Variants in KIZ observed in about 807,000 individuals in gnomAD.
KIZ encodes centrosomal protein kizuna.
In KIZ, 68 loss-of-function variants were observed where a neutral mutation model predicts 79.6. That is an observed-to-expected ratio of 0.85 (90% CI 0.70 to 1.05). The LOEUF (loss-of-function observed/expected upper bound fraction) is 1.05. KIZ is among the 50% of genes least tolerant of loss of function. KIZ has a pLI of 0.00. For synonymous variants in KIZ, 280 were observed against 281.8 expected (o/e 0.99, Z 0.06); for missense variants, 797 against 800.4 (o/e 1.00, Z 0.05).
Position 21,161,875 on chromosome 20 carries a change from C to T in KIZ, c.410C>T (p.Ala137Val). 1.2e-6 allele frequency: 2 copies of T among 1,606,678 alleles called. No individual in the cohort carries two copies. Among genetic ancestry groups the T allele is most frequent in the Non-Finnish European group, 8.5e-7 (1 of 1,174,578 alleles). The change falls in exon 5 of 13, where the codon GCA (alanine) becomes GTA (valine). Residue 137 changes from alanine (A) to valine (V), a missense_variant. By Grantham distance (64) the Ala-to-Val change is moderately conservative. Transcript: ENST00000619189. ...ELTDEDREKV[A>V]VHEGINSGTA... ...ACATCTCTTTTGGTGTTGCAGGTTG[C>T]AGTGCACGAGGGGATTAACTCAGGA...
At chr20:21,219,784 C>T (rs760496794) in intron 9 of KIZ, among the ~76,000 whole-genome samples, 8 of 152,140 alleles carry the variant, frequency 5.3e-5, no homozygotes, top group South Asian at 2.1e-4. Context: ...CACCACAAAA[C>T]GGAGGTCTTC....
chr20:21,195,802 G>A (rs1428657894), intron 6 of KIZ: 4 of 152,208 alleles, frequency 2.6e-5, no homozygotes, highest in African/African-American at 9.7e-5. Context: ...GGTTCACTGG[G>A]ACACACACTC....
chr20:21,231,789 C>G (rs2123443893), intron 10 of KIZ, among the ~76,000 whole-genome samples: 1 of 152,238 alleles, frequency 6.6e-6, no homozygotes, highest in East Asian at 1.9e-4. Context: ...TCAAGAAGCC[C>G]ACCCCACATC....
chr20:21,220,767 G>A (rs2036477561), intron 9 of KIZ, among the ~76,000 whole-genome samples: 3 of 152,114 alleles, frequency 2.0e-5, no homozygotes, highest in Admixed American at 6.5e-5. Context: ...GGCGTGAGCC[G>A]CCACGCCCGG....
intron 3 of KIZ, among the ~76,000 whole-genome samples, chr20:21,139,790 A>C (rs1175684850): frequency 6.6e-6 from 1 of 152,200 alleles, no homozygotes; most frequent in African/African-American, 2.4e-5. Context: ...TAACATGACA[A>C]ACTAGATAGG....
intron 11 of KIZ, among the ~76,000 whole-genome samples, chr20:21,236,067 T>C (rs1462430539): frequency 6.6e-6 from 1 of 152,260 alleles, no homozygotes; most frequent in Non-Finnish European, 1.5e-5. Flanking sequence ...AATTAGCAGC[T>C]TCCTAAATAT....
chr20:21,214,176 A>G (rs2036189245), intron 7 of KIZ, among the ~76,000 whole-genome samples: 1 of 152,130 alleles, frequency 6.6e-6, no homozygotes, highest in African/African-American at 2.4e-5. Context: ...TCCTTCAGAA[A>G]GGAGGTCTGA....
intron 6 of KIZ, among the ~76,000 whole-genome samples, chr20:21,173,668 G>A (rs1335571317): frequency 6.6e-6 from 1 of 151,798 alleles, no homozygotes; most frequent in Non-Finnish European, 1.5e-5. Context: ...GATGACTCAA[G>A]GGTTTGGGGA....
chr20:21,166,301 C>T, intron 6 of KIZ: 2 of 1,603,148 alleles, frequency 1.2e-6, no homozygotes, highest in Non-Finnish European at 1.7e-6. Context: ...ACAATGAAAC[C>T]AACTGGCAGG....
intron 12 of KIZ, 141 bp downstream of exon 12, chr20:21,244,429 G>A (rs2037322980): frequency 4.5e-6 from 3 of 664,042 alleles, no homozygotes; most frequent in South Asian, 3.7e-5. Context: ...TGTCCCTGGG[G>A]TGGAACCTGA....
intron 12 of KIZ, chr20:21,245,575 A>T (rs1390917889): frequency 6.6e-6 from 1 of 152,302 alleles, no homozygotes; most frequent in East Asian, 1.9e-4. Context: ...AGCAGAGTTA[A>T]GGGATTGTTG....
chr20:21,188,083 A>G (rs1005960821), intron 6 of KIZ, among the ~76,000 whole-genome samples: 4 of 152,230 alleles, frequency 2.6e-5, no homozygotes, highest in Admixed American at 6.5e-5. Flanking sequence ...AGTGAATCAT[A>G]AAAACCTGAA....
At chr20:21,246,261 T>A in intron 12 of KIZ, 1 of 531,412 alleles carries the variant, frequency 1.9e-6, no homozygotes, top group Non-Finnish European at 3.3e-6. Context: ...TTCTGCAAAT[T>A]GTTTTCCATA....
intron 4 of KIZ, among the ~76,000 whole-genome samples, chr20:21,147,667 A>G (rs1417587995): frequency 2.6e-5 from 4 of 152,168 alleles, no homozygotes; most frequent in Non-Finnish European, 4.4e-5. Flanking sequence ...GAAGGCCACA[A>G]TTTTCTTACC....
At chr20:21,155,396 C>G (rs1023701869) in intron 4 of KIZ, among the ~76,000 whole-genome samples, 1 of 129,842 alleles carries the variant, frequency 7.7e-6, no homozygotes, top group Non-Finnish European at 1.7e-5. Context: ...AAACATTGTG[C>G]TAAGTGAAAG....
intron 3 of KIZ, 119 bp downstream of exon 3, chr20:21,136,671 A>G: frequency 1.5e-6 from 1 of 651,602 alleles, no homozygotes; most frequent in East Asian, 3.0e-5. Flanking sequence ...GGGCTCAAGC[A>G]GTCCTCCTGT....
At chr20:21,161,047 C>T (rs1182372770) in intron 4 of KIZ, 1 of 152,204 alleles carries the variant, frequency 6.6e-6, no homozygotes, top group Non-Finnish European at 1.5e-5. Context: ...AAAGTGATAT[C>T]TTATTGTGCT....
At chr20:21,170,667 C>T (rs929544941) in intron 6 of KIZ, among the ~76,000 whole-genome samples, 2 of 152,144 alleles carry the variant, frequency 1.3e-5, no homozygotes, top group Admixed American at 6.5e-5. Flanking sequence ...GGATTACAGG[C>T]GTGAGCCACC....
chr20:21,139,384 G>A (rs930536825), intron 3 of KIZ, among the ~76,000 whole-genome samples: 4 of 152,038 alleles, frequency 2.6e-5, no homozygotes, highest in African/African-American at 9.7e-5. Flanking sequence ...AAGATATATG[G>A]TTAAATGTGT....
Sources: allele counts gnomAD v4.1 joint callset (sites outside exome capture counted in the v4.1 genomes callset), GRCh38; gene constraint gnomAD v4.1.1; transcripts MANE v1.5; gene names NCBI Gene and HGNC (gene_info 2026-07-23, HGNC 2026-07-21).